The following COL19A1 variants were observed in gnomAD, a reference collection of about 807,000 sequenced individuals.
The protein encoded by COL19A1 is collagen type XIX alpha 1 chain, also known as collagen alpha-1(XIX) chain.
In COL19A1, 159 loss-of-function variants were observed where a neutral mutation model predicts 190.2. The observed-to-expected ratio is 0.84, with a 90% CI of 0.73 to 0.95. The LOEUF (loss-of-function observed/expected upper bound fraction) is 0.95, where lower values mean the gene tolerates loss of function less well. Ranked by LOEUF, COL19A1 falls within the 40% of genes least tolerant of loss-of-function variation. The pLI is 0.00. For missense variants in COL19A1, 1,418 were observed against 1,431.9 expected (o/e 0.99, Z 0.16); for synonymous variants, 509 against 458.9 (o/e 1.11, Z -1.39).
Position 70,168,083 on chromosome 6 carries a change from T to C in COL19A1, c.2496+8T>C. ...AGTTTATATAAAATTAAGGTATTTA[T>C]ATTTGTAATTATTTAAAATCCAGTT... is the stretch of plus-strand genomic sequence containing the variant. On this transcript the variant is annotated splice_region_variant and intron_variant, in intron 38 of 50. Coordinates refer to ENST00000620364, the MANE Select transcript of COL19A1 (RefSeq NM_001858.6). 6.3e-7 allele frequency: 1 copy of C among 1,583,364 alleles called. No homozygotes were observed. The highest frequency in any genetic ancestry group is 8.6e-7 in the Non-Finnish European group (1 of 1,159,438).
intron 12 of COL19A1, among the ~76,000 whole-genome samples, chr6:70,031,317 A>G (rs3793039): frequency 0.3 from 46,050 of 151,656 alleles, 7,906 homozygotes; most frequent in Middle Eastern, 0.55. Flanking sequence ...TCAAATCAGG[A>G]TGTTTAGGTT....
At chr6:70,113,842 C>CTTTTTTTTT (rs34876942) in intron 16 of COL19A1, among the ~76,000 whole-genome samples, 7 of 64,144 alleles carry the variant, frequency 1.1e-4, no homozygotes, top group Admixed American at 2.5e-4. Context: ...CCAAGTCTTT[C>CTTTTTTTTT]TTTTTTTTTT....
chr6:70,156,773 GTGGC>G lies in COL19A1; in HGVS notation c.2292+52_2292+55del, dbSNP rs754396641. The G allele has an allele frequency of 3.4e-6, 5 of 1,461,492 alleles. No individual in the cohort carries two copies. The African/African-American group carries it at 7.0e-5, about 21-fold the overall frequency. 90.5% of individuals were successfully genotyped at this position (1,461,492 alleles called of 1,614,324 possible). On this transcript the variant is annotated intron_variant, in intron 34 of 50. Transcript: ENST00000620364. The stretch of plus-strand genomic sequence containing the variant: ...TAGTCCTAATATTGATTCTCTTTAC[GTGGC>G]TCAACAGAGTAAAAATGTTAATTTT...
intron 4 of COL19A1, among the ~76,000 whole-genome samples, chr6:69,918,361 A>T (rs1457139065): frequency 1.3e-5 from 2 of 152,068 alleles, no homozygotes; most frequent in Admixed American, 6.6e-5. Flanking sequence ...GTGATAGTGG[A>T]GATGGAGAGA....
chr6:69,942,329 A>G (rs1773524787), intron 9 of COL19A1, among the ~76,000 whole-genome samples: 1 of 152,182 alleles, frequency 6.6e-6, no homozygotes, highest in Non-Finnish European at 1.5e-5. Context: ...AATTGGGATA[A>G]TTAACATGTC....
chr6:70,041,704 G>T (rs1443869520), intron 14 of COL19A1, among the ~76,000 whole-genome samples: 1 of 151,960 alleles, frequency 6.6e-6, no homozygotes, highest in Non-Finnish European at 1.5e-5. Context: ...TTTAAATCTA[G>T]TTTAAAAAAT....
chr6:70,017,721 A>G (rs1041788337), intron 11 of COL19A1, among the ~76,000 whole-genome samples: 2 of 152,140 alleles, frequency 1.3e-5, no homozygotes, highest in Admixed American at 1.3e-4. Flanking sequence ...GGTAGAATAA[A>G]AATGAAGGAA....
At chr6:70,145,662 CT>C (rs1170837255) in intron 25 of COL19A1, among the ~76,000 whole-genome samples, 2 of 151,742 alleles carry the variant, frequency 1.3e-5, no homozygotes, top group Admixed American at 1.3e-4. Flanking sequence ...ACATATACCC[CT>C]GAACCTAAAA....
chr6:70,068,232 G>A (rs1057236795), intron 14 of COL19A1, among the ~76,000 whole-genome samples, 191 bp from the exon 15 acceptor site: 1 of 151,748 alleles, frequency 6.6e-6, no homozygotes, highest in Non-Finnish European at 1.5e-5. Flanking sequence ...TCTGGAGTTA[G>A]CTACAAAGAA....
At chr6:69,882,574 T>TA (rs1208879522) in intron 2 of COL19A1, among the ~76,000 whole-genome samples, 4 of 152,136 alleles carry the variant, frequency 2.6e-5, no homozygotes, top group Non-Finnish European at 4.4e-5. Flanking sequence ...TATATCATCA[T>TA]AAAAAGCAAT....
intron 14 of COL19A1, among the ~76,000 whole-genome samples, chr6:70,066,277 G>T (rs1326850906): frequency 3.3e-5 from 5 of 152,072 alleles, no homozygotes; most frequent in African/African-American, 7.2e-5. Flanking sequence ...CCATAAAAAA[G>T]GATGAGTTCA....
At chr6:70,082,469 G>GT (rs1782312365) in intron 15 of COL19A1, among the ~76,000 whole-genome samples, 1 of 152,136 alleles carries the variant, frequency 6.6e-6, no homozygotes, top group African/African-American at 2.4e-5. Flanking sequence ...CTGGAGTGCA[G>GT]TGGTGCGATC....
At chr6:69,955,490 A>G (rs913727870) in intron 9 of COL19A1, among the ~76,000 whole-genome samples, 1 of 151,826 alleles carries the variant, frequency 6.6e-6, no homozygotes, top group African/African-American at 2.4e-5. Flanking sequence ...TTGTATTAAT[A>G]GAAGTACAAA....
intron 11 of COL19A1, among the ~76,000 whole-genome samples, chr6:69,996,053 A>C (rs763538219): frequency 4.6e-5 from 7 of 152,106 alleles, no homozygotes; most frequent in Non-Finnish European, 1.0e-4. Flanking sequence ...ATTTATCTCA[A>C]ACTTTATCTC....
chr6:69,922,717 G>A (rs913084393), intron 4 of COL19A1, among the ~76,000 whole-genome samples: 2 of 152,060 alleles, frequency 1.3e-5, no homozygotes, highest in African/African-American at 2.4e-5. Flanking sequence ...CTGACCTCAA[G>A]TGATCTGCCC....
At chr6:69,881,897 G>A (rs1768582394) in intron 2 of COL19A1, among the ~76,000 whole-genome samples, 1 of 152,182 alleles carries the variant, frequency 6.6e-6, no homozygotes, top group Non-Finnish European at 1.5e-5. Flanking sequence ...GACAAGCTGG[G>A]CATGGCCTGG....
rs372189974 is a variant in COL19A1, at chr6:70,205,245, T to C, written c.3224-1656T>C. ...AGGTCTTACATAAAAAGCAAATAAA[T>C]ACCTGTGTGGTGATTACATTGCCAA... On this transcript the variant is annotated intron_variant, in intron 49 of 50. Coordinates refer to ENST00000620364, the MANE Select transcript of COL19A1 (RefSeq NM_001858.6). 7.2e-5 allele frequency among the ~76,000 whole-genome samples: 11 copies of C among 152,228 alleles called. No homozygotes were observed. The East Asian group carries it at 1.7e-3, about 24-fold the overall frequency.
intron 4 of COL19A1, among the ~76,000 whole-genome samples, chr6:69,927,657 T>C (rs985266518): frequency 2.0e-5 from 3 of 152,214 alleles, no homozygotes; most frequent in East Asian, 3.8e-4. Context: ...GATTTTCTTC[T>C]GTTCAATATC....
At chr6:70,176,431 C>T (rs1293864224) in intron 41 of COL19A1, 89 bp from the exon 42 acceptor site, 2 of 1,390,844 alleles carry the variant, frequency 1.4e-6, no homozygotes, top group Admixed American at 3.9e-5. Context: ...GAAAGCTTTA[C>T]CAAATCCAAA....
Sources: allele counts gnomAD v4.1 joint callset (sites outside exome capture counted in the v4.1 genomes callset), GRCh38; gene constraint gnomAD v4.1.1; transcripts MANE v1.5; gene names NCBI Gene and HGNC (gene_info 2026-07-23, HGNC 2026-07-21).